The following COL4A4 variants were observed in gnomAD, a reference collection of about 807,000 sequenced individuals.
COL4A4 encodes collagen type IV alpha 4 chain.
COL4A4 carries 105 observed loss-of-function variants against 192.9 expected under a neutral mutation model. The observed-to-expected ratio is 0.54, with a 90% CI of 0.46 to 0.64. COL4A4 has a LOEUF of 0.64. Among genes scored for constraint, COL4A4 ranks in the 30% least tolerant of loss-of-function variants. The pLI, the probability that COL4A4 is intolerant of heterozygous loss-of-function variation, is 0.00. For missense variants in COL4A4, 1,967 were observed against 2,169.3 expected (o/e 0.91, Z 1.85); for synonymous variants, 762 against 769.9 (o/e 0.99, Z 0.17).
At chr2:227,093,569 C>T (rs953811911) in intron 20 of COL4A4, among the ~76,000 whole-genome samples, 25 of 152,146 alleles carry the variant, frequency 1.6e-4, no homozygotes, top group Admixed American at 3.9e-4. Context: ...GGATTCAACA[C>T]GTTAGGACCA....
At chr2:227,162,796 G>T (rs1387072295) in intron 1 of COL4A4, among the ~76,000 whole-genome samples, 1 of 152,188 alleles carries the variant, frequency 6.6e-6, no homozygotes, top group African/African-American at 2.4e-5. Context: ...AATGGTCTGG[G>T]TAGCAACATT....
At chr2:227,159,422 C>G (rs2222869) in intron 1 of COL4A4, among the ~76,000 whole-genome samples, 1 of 151,954 alleles carries the variant, frequency 6.6e-6, no homozygotes, top group East Asian at 1.9e-4. Context: ...GTGGATGCAT[C>G]GGCAAAACTT....
Position 227,047,934 on chromosome 2 carries a change from G to A in COL4A4, c.3215-385C>T, listed in dbSNP as rs76172186. ...ATCAAAAATTGTAACTGTTTTCACTGCTGCAATCATATTTCAAGCTCTTTT... is the reference window on the plus strand; with the variant it reads ...ATCAAAAATTGTAACTGTTTTCACTACTGCAATCATATTTCAAGCTCTTTT... On this transcript the variant is annotated intron_variant, in intron 34 of 47. Transcript: ENST00000396625. Among the ~76,000 whole-genome samples the A allele has an allele frequency of 5.9e-3, 893 of 152,250 alleles. 10 individuals are homozygous for A. Among genetic ancestry groups the A allele is most frequent in the African/African-American group, 0.02 (841 of 41,550 alleles).
chr2:227,048,943 A>T (rs1973474637), intron 34 of COL4A4, among the ~76,000 whole-genome samples: 1 of 152,200 alleles, frequency 6.6e-6, no homozygotes, highest in African/African-American at 2.4e-5. Flanking sequence ...TTGTTATAGC[A>T]TTTAGTATAT....
At chr2:227,045,973 G>GTATA (rs1329986732) in intron 35 of COL4A4, among the ~76,000 whole-genome samples, 1 of 41,638 alleles carries the variant, frequency 2.4e-5, no homozygotes, top group African/African-American at 1.1e-4. Flanking sequence ...ATATTTATAT[G>GTATA]TGTATATGTA....
intron 8 of COL4A4, among the ~76,000 whole-genome samples, chr2:227,113,279 T>TTA (rs1483948320): frequency 6.6e-6 from 1 of 152,220 alleles, no homozygotes; most frequent in Non-Finnish European, 1.5e-5. Flanking sequence ...ATATAGACTC[T>TTA]TAAGAGCATT....
At chr2:227,068,134 C>G (rs1282021171) in intron 25 of COL4A4, among the ~76,000 whole-genome samples, 127 of 147,240 alleles carry the variant, frequency 8.6e-4, no homozygotes, top group African/African-American at 2.7e-3. Context: ...TGGATAAATT[C>G]CTCGACACAT....
At chr2:227,045,319 A>C (rs1239701091) in intron 35 of COL4A4, among the ~76,000 whole-genome samples, 1 of 152,156 alleles carries the variant, frequency 6.6e-6, no homozygotes, top group African/African-American at 2.4e-5. Flanking sequence ...ACCCAAGACC[A>C]CAGGTGAAGT....
chr2:227,002,971 T>C lies in COL4A4; in HGVS notation c.*4354A>G, dbSNP rs1961346008. ...GGATGTGGCAGCCAGCCTTGGTGGT[T>C]TAAAATGCATTATGCAGAGTTTCTA... On this transcript the variant is annotated 3_prime_UTR_variant, in exon 48 of 48. Transcript: ENST00000396625. The C allele has an allele frequency of 6.6e-6, 1 of 152,666 alleles. No homozygotes were observed. Among genetic ancestry groups the C allele is most frequent in the African/African-American group, 2.4e-5 (1 of 41,462 alleles). The allele number at this position is 152,666 out of a possible 1,614,324, so 9.5% of individuals were successfully genotyped here. A position where few individuals can be genotyped will look rare whatever the true frequency, so the allele number is the denominator to read the frequency against.
intron 30 of COL4A4, among the ~76,000 whole-genome samples, chr2:227,055,671 C>G (rs1975159398): frequency 1.3e-5 from 2 of 152,142 alleles, no homozygotes; most frequent in Admixed American, 6.5e-5. Flanking sequence ...GAAAATGCAC[C>G]CTTCCCGACC....
chr2:227,059,421 T>C lies in COL4A4; in HGVS notation c.2367A>G (p.Gly789=), dbSNP rs56247709. The change falls in exon 28 of 48, where the codon GGA becomes GGG. Residue 789 remains glycine (G), a synonymous_variant. Coordinates refer to ENST00000396625, the MANE Select transcript of COL4A4 (RefSeq NM_000092.5). ...PGIKGPRGDP[G]CPGAEGPAGI... is the part of the protein sequence containing the mutation. ...CCCTCATACCTTCAGCCCCTGGACA[T>C]CCCGGATCACCTCTGGGTCCTTTTA... The C allele has an allele frequency of 1.1e-5, 17 of 1,614,090 alleles. No homozygotes were observed. The African/African-American group carries it at 2.0e-4, about 19-fold the overall frequency.
intron 32 of COL4A4, among the ~76,000 whole-genome samples, chr2:227,051,591 G>A (rs923411434): frequency 6.6e-6 from 1 of 152,164 alleles, no homozygotes; most frequent in South Asian, 2.1e-4. Context: ...GCATTGGGGT[G>A]TCTGTTAGAA....
chr2:227,031,436 T>G (rs560510080), intron 40 of COL4A4, among the ~76,000 whole-genome samples: 19 of 152,198 alleles, frequency 1.2e-4, no homozygotes, highest in Non-Finnish European at 2.5e-4. Context: ...AGCTTAGTAA[T>G]GACTTCCAAC....
rs572060243 is a variant in COL4A4, at chr2:227,077,375, G to C, written c.1987+519C>G. On this transcript the variant is annotated intron_variant, in intron 25 of 47. Coordinates refer to ENST00000396625, the MANE Select transcript of COL4A4 (RefSeq NM_000092.5). The stretch of plus-strand genomic sequence containing the variant: ...ATGAAGCTGGAAGCTATCAATCTCA[G>C]CACACTAACACAGGAACAGAAAACC... Among the ~76,000 whole-genome samples, 347 of 152,246 alleles carry C rather than the reference G, an allele frequency of 2.3e-3. 4 individuals carry two copies. Among genetic ancestry groups the C allele is most frequent in the African/African-American group, 8.0e-3 (333 of 41,546 alleles).
chr2:227,000,800 G>A (rs2149671326), downstream of COL4A4, among the ~76,000 whole-genome samples: 1 of 151,938 alleles, frequency 6.6e-6, no homozygotes, highest in South Asian at 2.1e-4. Context: ...GAGGTCTCAT[G>A]GAATCATGGG....
chr2:227,052,409 G>T lies in COL4A4; in HGVS notation c.2864C>A (p.Ala955Asp). The change falls in exon 32 of 48, where the codon GCC becomes GAC. Residue 955 changes from alanine to aspartate, a missense_variant. Transcript: ENST00000396625. ...TCCTTCATCTCCGGGAGGTCCTATG[G>T]CTCCTATGGATATTAATTATGCAAG... ...GDRGLRGAKGAIGPPGDEGEM... is the reference protein window; with the variant it reads ...GDRGLRGAKGDIGPPGDEGEM... The T allele has an allele frequency of 1.3e-6, 2 of 1,558,428 alleles. No individual in the cohort carries two copies. Among genetic ancestry groups the T allele is most frequent in the South Asian group, 2.2e-5 (2 of 89,932 alleles).
chr2:227,118,146 C>A (rs141190514), intron 7 of COL4A4, among the ~76,000 whole-genome samples: 53 of 152,148 alleles, frequency 3.5e-4, no homozygotes, highest in African/African-American at 1.2e-3. Context: ...TAGCTGTGAA[C>A]CTTTGAAATC....
chr2:227,111,542 G>T, intron 9 of COL4A4, 136 bp downstream of exon 9: 2 of 925,472 alleles, frequency 2.2e-6, no homozygotes, highest in South Asian at 2.7e-5. Flanking sequence ...AATAATTTTT[G>T]AACAGGGAAC....
At chr2:227,029,702 T>C (rs1445604318) in intron 41 of COL4A4, among the ~76,000 whole-genome samples, 1 of 152,244 alleles carries the variant, frequency 6.6e-6, no homozygotes, top group African/African-American at 2.4e-5. Context: ...AAAGCTTCTT[T>C]GAACCTAAAA....
Sources: allele counts gnomAD v4.1 joint callset (sites outside exome capture counted in the v4.1 genomes callset), GRCh38; gene constraint gnomAD v4.1.1; transcripts MANE v1.5; gene names NCBI Gene and HGNC (gene_info 2026-07-23, HGNC 2026-07-21).